CR1L: variants seen among roughly 807,000 people sequenced by gnomAD.
CR1L encodes the protein complement component receptor 1-like protein.
A neutral mutation model predicts 62.3 loss-of-function variants in CR1L; 59 were observed. The observed-to-expected ratio is 0.95, with a 90% CI of 0.77 to 1.18. CR1L has a LOEUF of 1.18. CR1L is among the 50% of genes most tolerant of loss of function. CR1L has a pLI of 0.00. For synonymous variants in CR1L, 279 were observed against 248.7 expected (o/e 1.12, Z -1.15); for missense variants, 700 against 702.8 (o/e 1.00, Z 0.04).
chr1:207,669,884 G>A (rs1385668727), intron 1 of CR1L, among the ~76,000 whole-genome samples: 2 of 151,276 alleles, frequency 1.3e-5, no homozygotes, highest in Non-Finnish European at 2.9e-5. Context: ...GCCTCGGCTG[G>A]CTATAGCCGA....
At chr1:207,685,123 AAAAC>A (rs1167107712) in intron 4 of CR1L, among the ~76,000 whole-genome samples, 23 of 152,356 alleles carry the variant, frequency 1.5e-4, no homozygotes, top group African/African-American at 2.6e-4. Context: ...TAAAATAGAA[AAAAC>A]AAACAATATA....
chr1:207,712,697 T>C (rs1415797444), intron 10 of CR1L, among the ~76,000 whole-genome samples: 1 of 152,202 alleles, frequency 6.6e-6, no homozygotes, highest in African/African-American at 2.4e-5. Context: ...AGCCCCCAGA[T>C]GTACAGGTGC....
intron 5 of CR1L, among the ~76,000 whole-genome samples, chr1:207,696,712 TA>T (rs1664105578): frequency 6.6e-6 from 1 of 152,238 alleles, no homozygotes; most frequent in African/African-American, 2.4e-5. Context: ...AAACTGAAAT[TA>T]TTTTTTCCAT....
chr1:207,709,127 G>T (rs1474571268), intron 10 of CR1L: 2 of 213,358 alleles, frequency 9.4e-6, no homozygotes, highest in Admixed American at 1.1e-4. Flanking sequence ...TACTGGGCCA[G>T]GTGTGGTGGC....
intron 5 of CR1L, among the ~76,000 whole-genome samples, chr1:207,696,341 C>G (rs1166028836): frequency 6.6e-6 from 1 of 152,094 alleles, no homozygotes; most frequent in African/African-American, 2.4e-5. Flanking sequence ...AGAACAGACT[C>G]TGCCATCATC....
intron 3 of CR1L, among the ~76,000 whole-genome samples, chr1:207,683,167 T>C (rs1212382571): frequency 6.6e-6 from 1 of 151,288 alleles, no homozygotes; most frequent in African/African-American, 2.4e-5. Context: ...GACAAGGTCT[T>C]GCTTTATTGC....
In CR1L at chr1:207,658,963, A is replaced by T. The variant is rs1173673947; in HGVS notation, c.97+13633A>T. The stretch of plus-strand genomic sequence containing the variant: ...GGAAGAGCTGGCCTCAGATGTGGTC[A>T]GTTCTTACGACAACCTGGACACACA... On this transcript the variant is annotated intron_variant, in intron 1 of 11. Transcript: ENST00000508064. 3 of 152,360 alleles carry T rather than the reference A, an allele frequency of 2.0e-5. No homozygotes were observed. In the East Asian group the frequency reaches 5.8e-4, roughly 29 times the overall value. 9.4% of individuals were successfully genotyped at this position (152,360 alleles called of 1,614,324 possible).
intron 1 of CR1L, among the ~76,000 whole-genome samples, chr1:207,673,033 T>G (rs950135349): frequency 1.3e-5 from 2 of 152,164 alleles, no homozygotes; most frequent in African/African-American, 4.8e-5. Context: ...CAAAGACACA[T>G]GTATACAAAT....
At chr1:207,711,875 G>C (rs1269056358) in intron 10 of CR1L, among the ~76,000 whole-genome samples, 3 of 150,266 alleles carry the variant, frequency 2.0e-5, no homozygotes. Context: ...CTCCAGCCTG[G>C]ATGACAGAGT....
intron 1 of CR1L, among the ~76,000 whole-genome samples, chr1:207,647,445 T>C (rs1160573646): frequency 1.3e-5 from 2 of 152,194 alleles, no homozygotes; most frequent in African/African-American, 4.8e-5. Flanking sequence ...ACAACCCAGT[T>C]CAAGTACCTC....
chr1:207,675,927 C>G (rs1443600540), intron 1 of CR1L, among the ~76,000 whole-genome samples: 1 of 152,132 alleles, frequency 6.6e-6, no homozygotes, highest in African/African-American at 2.4e-5. Flanking sequence ...GCTTTGTTCA[C>G]TCTTTGTGCT....
intron 1 of CR1L, chr1:207,658,393 G>A (rs1386628070): frequency 6.6e-6 from 1 of 151,696 alleles, no homozygotes; most frequent in Non-Finnish European, 1.5e-5. Flanking sequence ...GACTGACAAA[G>A]AAAAAAAAGA....
At chr1:207,659,755 G>A (rs1663377698) in intron 1 of CR1L, among the ~76,000 whole-genome samples, 1 of 152,192 alleles carries the variant, frequency 6.6e-6, no homozygotes, top group South Asian at 2.1e-4. Context: ...CCTAGCCAGG[G>A]AAAGCTGTGA....
intron 1 of CR1L, among the ~76,000 whole-genome samples, chr1:207,660,182 A>G (rs908538430): frequency 1.3e-5 from 2 of 152,252 alleles, no homozygotes; most frequent in African/African-American, 2.4e-5. Flanking sequence ...TTCTCCCAGC[A>G]CAGCATTCGA....
At chr1:207,709,941 A>C (rs1443208228) in intron 10 of CR1L, among the ~76,000 whole-genome samples, 1 of 152,264 alleles carries the variant, frequency 6.6e-6, no homozygotes, top group Non-Finnish European at 1.5e-5. Flanking sequence ...AATTGTAAGA[A>C]TATATCTGTA....
intron 1 of CR1L, among the ~76,000 whole-genome samples, chr1:207,669,842 C>T (rs1663582875): frequency 6.6e-6 from 1 of 151,234 alleles, no homozygotes; most frequent in African/African-American, 2.5e-5. Context: ...GAGCGGGTGC[C>T]GCACGAAATT....
chr1:207,717,610 A>G lies in CR1L; in HGVS notation c.1561A>G (p.Thr521Ala), dbSNP rs535504043. The G allele has an allele frequency of 5.0e-6, 8 of 1,613,958 alleles. No individual in the cohort carries two copies. In the South Asian group the frequency reaches 8.8e-5, roughly 18 times the overall value. ...GACCTTCAACCTCATTGGGGAGAGC[A>G]CCATCCGCCGCACAAGTGAACCTCA... ...GMTFNLIGES[T>A]IRRTSEPHGN... Residue 521 changes from threonine to alanine, a missense_variant, in exon 11 of 12, where the codon ACC becomes GCC. By Grantham distance (58) the Thr-to-Ala change is moderately conservative. Coordinates refer to ENST00000508064, the MANE Select transcript of CR1L (RefSeq NM_175710.2).
chr1:207,662,558 T>C (rs1663442358), intron 1 of CR1L, among the ~76,000 whole-genome samples: 1 of 152,200 alleles, frequency 6.6e-6, no homozygotes, highest in Non-Finnish European at 1.5e-5. Flanking sequence ...CTAATTTTTT[T>C]TCAAGGTTTT....
intron 1 of CR1L, among the ~76,000 whole-genome samples, chr1:207,670,322 G>T (rs778838777): frequency 1.3e-5 from 2 of 151,206 alleles, no homozygotes; most frequent in African/African-American, 2.5e-5. Flanking sequence ...CAATGTAACC[G>T]CTGCAGGTAG....
Sources: allele counts gnomAD v4.1 joint callset (sites outside exome capture counted in the v4.1 genomes callset), GRCh38; gene constraint gnomAD v4.1.1; transcripts MANE v1.5; gene names NCBI Gene and HGNC (gene_info 2026-07-23, HGNC 2026-07-21).